Variants in TP73 observed in about 807,000 individuals in gnomAD.
TP73 encodes the protein p53-like transcription factor.
In TP73, 25 loss-of-function variants were observed where a neutral mutation model predicts 62.5. The observed-to-expected ratio is 0.40, with a 90% confidence interval of 0.29 to 0.56. The LOEUF is 0.56. Among genes scored for constraint, TP73 ranks in the 20% least tolerant of loss-of-function variants. The pLI is 0.46. For synonymous variants in TP73, 423 were observed against 377.5 expected (o/e 1.12, Z -1.40); for missense variants, 754 against 913.3 (o/e 0.83, Z 2.25).
rs376192602 is a variant in TP73 at position 3,698,455 on chromosome 1, G to A, written c.187-9094G>A. 5.5e-3 allele frequency among the ~76,000 whole-genome samples: 834 copies of A among 152,310 alleles called. 6 individuals carry two copies. The highest frequency in any genetic ancestry group is 0.019 in the African/African-American group (784 of 41,580). ...CCTGGATACCCCACTGGGGCCTCCC[G>A]CAGACACTCAGGGTCCAGGCTGCCC... On this transcript the variant is annotated intron_variant, in intron 3 of 13. Coordinates refer to ENST00000378295, the MANE Select transcript of TP73 (RefSeq NM_005427.4).
intron 3 of TP73, among the ~76,000 whole-genome samples, chr1:3,698,795 A>G (rs961052468): frequency 2.6e-5 from 4 of 152,132 alleles, no homozygotes; most frequent in African/African-American, 9.7e-5. Context: ...GGGCGTGTGG[A>G]GGGACATGCA....
rs183574906 is a variant in TP73, at chr1:3,698,641, G to A, written c.187-8908G>A. 7.6e-3 allele frequency among the ~76,000 whole-genome samples: 1,150 copies of A among 152,292 alleles called. 16 individuals are homozygous for A. The highest frequency in any genetic ancestry group is 0.026 in the African/African-American group (1,072 of 41,542). On this transcript the variant is annotated intron_variant, in intron 3 of 13. Transcript: ENST00000378295. ...GGCGGCGGCACCGTGAGTGGACTCC[G>A]GGGCGGTTAGCAGGTGGAAGGCAGT...
In TP73 at chr1:3,672,075, G is replaced by A. The variant is rs1645254202; in HGVS notation, c.-33-10258G>A. Among the ~76,000 whole-genome samples, 1 of 152,148 alleles carries A rather than the reference G, an allele frequency of 6.6e-6. No individual in the cohort carries two copies. The highest frequency in any genetic ancestry group is 2.4e-5 in the African/African-American group (1 of 41,424). Reference sequence around the variant, plus strand: ...TGCTCAGACCGCAGGGTAGGGAGTGGTCAGCAGGGAGACATGTCCACTGGT... The same window carrying A: ...TGCTCAGACCGCAGGGTAGGGAGTGATCAGCAGGGAGACATGTCCACTGGT... On this transcript the variant is annotated intron_variant, in intron 1 of 13. Coordinates refer to ENST00000378295, the MANE Select transcript of TP73 (RefSeq NM_005427.4). The surrounding 1 kb of genome is among the most constrained non-coding windows in gnomAD (Gnocchi z 5.3).
rs1471266612 is a variant in TP73, at chr1:3,662,418, C to T, written c.-34+9777C>T. Among the ~76,000 whole-genome samples, 1 of 152,224 alleles carries T rather than the reference C, an allele frequency of 6.6e-6. No individual in the cohort carries two copies. The highest frequency in any genetic ancestry group is 2.4e-5 in the African/African-American group (1 of 41,454). On this transcript the variant is annotated intron_variant, in intron 1 of 13. Transcript: ENST00000378295. This position sits in a 1 kb window ranked among gnomAD's most constrained non-coding sequence, Gnocchi z 4.4. ...CGTCATCCTCAGCTGCAGGAAGATA[C>T]AGGACTGTGGGGCTGCTGCAGGCTG...
At chr1:3,714,715 G>A (rs1333300882) in intron 4 of TP73, among the ~76,000 whole-genome samples, 1 of 152,264 alleles carries the variant, frequency 6.6e-6, no homozygotes, top group Admixed American at 6.5e-5. Context: ...CAGGGCAGAG[G>A]CTGAGTGTGG....
intron 4 of TP73, among the ~76,000 whole-genome samples, chr1:3,708,936 G>T (rs928429399): frequency 3.9e-5 from 6 of 152,178 alleles, no homozygotes; most frequent in African/African-American, 1.2e-4. Flanking sequence ...CAGGGCGGCC[G>T]CATTCCCACC....
Position 3,727,504 on chromosome 1 carries a change from G to T in TP73, c.843-124G>T, listed in dbSNP as rs1641749950. ...GCGGGAACACTCGCTGCCGGCACTG[G>T]GTGCTCTGTGGTGACCGAGGGCTCT... is the stretch of plus-strand genomic sequence containing the variant. On this transcript the variant is annotated intron_variant, in intron 7 of 13. Coordinates refer to ENST00000378295, the MANE Select transcript of TP73 (RefSeq NM_005427.4). 9 of 1,354,322 alleles carry T rather than the reference G, an allele frequency of 6.6e-6. No individual in the cohort carries two copies. In the East Asian group the frequency reaches 7.5e-5, roughly 11 times the overall value. 83.9% of individuals were successfully genotyped at this position (1,354,322 alleles called of 1,614,324 possible).
At chr1:3,667,335 G>C (rs1645141419) in intron 1 of TP73, among the ~76,000 whole-genome samples, 1 of 152,236 alleles carries the variant, frequency 6.6e-6, no homozygotes, top group Admixed American at 6.5e-5. Flanking sequence ...CTACAGAACT[G>C]TAAGAGAGTA....
chr1:3,682,440 C>T lies in TP73; in HGVS notation c.65+10C>T. ...ACCTCTGGAGCTCTCTGTGAGTGCG[C>T]TTGGCTGGCCAGAGCTGGGGGCCCC... On this transcript the variant is annotated intron_variant, in intron 2 of 13. Transcript: ENST00000378295. 1 of 1,506,820 alleles carries T rather than the reference C, an allele frequency of 6.6e-7. No individual in the cohort carries two copies. Among genetic ancestry groups the T allele is most frequent in the Non-Finnish European group, 9.0e-7 (1 of 1,114,994 alleles). The allele number at this position is 1,506,820 out of a possible 1,614,324, so 93.3% of individuals were successfully genotyped here. A position where few individuals can be genotyped will look rare whatever the true frequency, so the allele number is the denominator to read the frequency against.
chr1:3,723,257 C>T, intron 5 of TP73, 97 bp from the exon 6 acceptor site: 1 of 966,514 alleles, frequency 1.0e-6, no homozygotes, highest in Non-Finnish European at 1.6e-6. Flanking sequence ...GGGCTGGGCA[C>T]CCTTTGAACC....
rs1004502741 is a variant in TP73, at chr1:3,663,139, C to T, written c.-34+10498C>T. Among the ~76,000 whole-genome samples the T allele has an allele frequency of 2.6e-5, 4 of 152,100 alleles. No individual in the cohort carries two copies. Among genetic ancestry groups the T allele is most frequent in the African/African-American group, 9.7e-5 (4 of 41,434 alleles). On this transcript the variant is annotated intron_variant, in intron 1 of 13. Transcript: ENST00000378295. This position sits in a 1 kb window ranked among gnomAD's most constrained non-coding sequence, Gnocchi z 4.7. ...CATGCCACCAAGATCAGCTGCAGGC[C>T]GGGCCACCCATGCCTGAGGGGAGAA...
At chr1:3,710,759 C>T (rs969060466) in intron 4 of TP73, among the ~76,000 whole-genome samples, 1 of 152,228 alleles carries the variant, frequency 6.6e-6, no homozygotes, top group African/African-American at 2.4e-5. Context: ...ACAGACACAG[C>T]ACCCTCCCAC....
intron 4 of TP73, among the ~76,000 whole-genome samples, chr1:3,708,776 G>A (rs971234113): frequency 6.6e-6 from 1 of 152,162 alleles, no homozygotes; most frequent in African/African-American, 2.4e-5. Flanking sequence ...CCGAGGAGGG[G>A]GCAAGTGAGC....
At chr1:3,709,433 G>A (rs757062322) in intron 4 of TP73, among the ~76,000 whole-genome samples, 58 of 152,240 alleles carry the variant, frequency 3.8e-4, no homozygotes, top group Non-Finnish European at 6.6e-4. Flanking sequence ...TGGGAAGACC[G>A]TGCCAGGGCT....
In TP73 at chr1:3,733,381, G is replaced by A. The variant is rs1642281938; in HGVS notation, c.*302G>A. 5 of 460,836 alleles carry A rather than the reference G, an allele frequency of 1.1e-5. No homozygotes were observed. The highest frequency in any genetic ancestry group is 3.8e-5 in the South Asian group (1 of 25,988). The allele number at this position is 460,836 out of a possible 1,614,324, so 28.5% of individuals were successfully genotyped here. A position where few individuals can be genotyped will look rare whatever the true frequency, so the allele number is the denominator to read the frequency against. On this transcript the variant is annotated 3_prime_UTR_variant, in exon 14 of 14. Transcript: ENST00000378295. The stretch of plus-strand genomic sequence containing the variant: ...TGCCCCGGCGTGCTCCATGGCAGGC[G>A]TGGGTGGGGACCGCAGCGTCGGCTC...
chr1:3,730,176 C>G (rs374993032), intron 11 of TP73, 28 bp downstream of exon 11: 1 of 1,498,402 alleles, frequency 6.7e-7, no homozygotes, highest in Non-Finnish European at 9.0e-7. Flanking sequence ...TGCGGGCCCA[C>G]GGGCAGGGCG....
chr1:3,704,046 A>G (rs1467408251), intron 3 of TP73, among the ~76,000 whole-genome samples: 4 of 152,196 alleles, frequency 2.6e-5, no homozygotes, highest in African/African-American at 9.6e-5. Context: ...ACTCCTGGGC[A>G]GCTGGACTGG....
In TP73 at chr1:3,729,456, A is replaced by G. The variant is rs1641952462; in HGVS notation, c.1196+8A>G. 1.2e-6 allele frequency: 2 copies of G among 1,612,590 alleles called. No individual in the cohort carries two copies. The highest frequency in any genetic ancestry group is 1.7e-6 in the Non-Finnish European group (2 of 1,179,936). The stretch of plus-strand genomic sequence containing the variant: ...GCAGCTCCTACAGAGGCCGTGAGTC[A>G]GCCCTAGCCCACCATCAGTGTGGGG... On this transcript the variant is annotated splice_region_variant and intron_variant, in intron 10 of 13. Transcript: ENST00000378295.
intron 7 of TP73, 118 bp from the exon 8 acceptor site, chr1:3,727,510 C>A (rs750660400): frequency 5.7e-6 from 8 of 1,412,680 alleles, no homozygotes; most frequent in African/African-American, 1.4e-5. Flanking sequence ...ACTGGGTGCT[C>A]TGTGGTGACC....
Sources: gnomAD v4.1 joint callset for allele counts (sites outside exome capture counted in the v4.1 genomes callset) on GRCh38, gnomAD v4.1.1 for gene constraint, Gnocchi (gnomAD v3.1) non-coding constraint, MANE v1.5 for transcripts, NCBI Gene and HGNC (gene_info 2026-07-23, HGNC 2026-07-21) for gene names.